The following GALNTL6 variants were observed in gnomAD, a reference collection of about 807,000 sequenced individuals.
GALNTL6 encodes polypeptide N-acetylgalactosaminyltransferase like 6, also known as polypeptide N-acetylgalactosaminyltransferase-like 6.
A neutral mutation model predicts 73.7 loss-of-function variants in GALNTL6; 46 were observed. The ratio of observed to expected loss-of-function variants is 0.62; its 90% CI spans 0.49 to 0.80. The LOEUF is 0.80. Ranked by LOEUF, GALNTL6 falls within the 30% of genes least tolerant of loss-of-function variation. The pLI is 0.00. For missense variants in GALNTL6, 604 were observed against 755.0 expected (o/e 0.80, Z 2.34); for synonymous variants, 259 against 263.7 (o/e 0.98, Z 0.17).
chr4:172,337,915 A>G (rs1578970006), intron 4 of GALNTL6, among the ~76,000 whole-genome samples: 1 of 152,078 alleles, frequency 6.6e-6, no homozygotes, highest in East Asian at 1.9e-4. Flanking sequence ...CCAGTGATTC[A>G]TAGGTTTGAT....
intron 12 of GALNTL6, among the ~76,000 whole-genome samples, chr4:173,029,047 C>T (rs1166962830): frequency 6.6e-6 from 1 of 152,120 alleles, no homozygotes; most frequent in Non-Finnish European, 1.5e-5. Flanking sequence ...ATGTACCAGT[C>T]CACAAAGATG....
intron 2 of GALNTL6, among the ~76,000 whole-genome samples, chr4:172,208,044 A>G (rs1021182589): frequency 7.9e-5 from 12 of 152,226 alleles, no homozygotes; most frequent in African/African-American, 2.9e-4. Flanking sequence ...GTGGGAGGCT[A>G]TATTTAGACA....
intron 5 of GALNTL6, among the ~76,000 whole-genome samples, chr4:172,699,332 ATG>A (rs1733890014): frequency 6.6e-6 from 1 of 152,122 alleles, no homozygotes; most frequent in African/African-American, 2.4e-5. Flanking sequence ...TCATAAATGT[ATG>A]TGTGTGTGTA....
At chr4:172,574,707 T>C (rs1392073642) in intron 5 of GALNTL6, among the ~76,000 whole-genome samples, 1 of 151,994 alleles carries the variant, frequency 6.6e-6, no homozygotes, top group African/African-American at 2.4e-5. Context: ...ATAATTTAGA[T>C]ATAAATTATC....
chr4:172,342,617 A>G (rs961651857), intron 4 of GALNTL6, among the ~76,000 whole-genome samples: 6 of 152,216 alleles, frequency 3.9e-5, no homozygotes, highest in African/African-American at 1.2e-4. Context: ...TCATGCTTCT[A>G]TGGATGTGGG....
At chr4:172,407,320 G>A (rs912269496) in intron 5 of GALNTL6, among the ~76,000 whole-genome samples, 4 of 152,010 alleles carry the variant, frequency 2.6e-5, no homozygotes, top group East Asian at 1.9e-4. Context: ...GATTTGGTCC[G>A]TGTAGAAAAC....
At chr4:172,281,476 C>G (rs994627366) in intron 3 of GALNTL6, among the ~76,000 whole-genome samples, 1 of 152,062 alleles carries the variant, frequency 6.6e-6, no homozygotes, top group African/African-American at 2.4e-5. Flanking sequence ...AGTCGGATCA[C>G]TTGAGGTCAG....
chr4:172,591,746 C>T (rs767402621), intron 5 of GALNTL6, among the ~76,000 whole-genome samples: 25 of 152,228 alleles, frequency 1.6e-4, no homozygotes, highest in African/African-American at 5.5e-4. Flanking sequence ...TCTCTCATTT[C>T]GTAAAATCTT....
chr4:172,400,643 G>C (rs1184450869), intron 5 of GALNTL6, among the ~76,000 whole-genome samples: 1 of 152,124 alleles, frequency 6.6e-6, no homozygotes, highest in Non-Finnish European at 1.5e-5. Flanking sequence ...GTCCTAGATA[G>C]AGGAGCAGGA....
intron 5 of GALNTL6, among the ~76,000 whole-genome samples, chr4:172,681,883 T>G (rs1209790771): frequency 6.6e-6 from 1 of 152,138 alleles, no homozygotes; most frequent in Non-Finnish European, 1.5e-5. Context: ...TCCATTTACC[T>G]CAGAGTAACT....
intron 5 of GALNTL6, among the ~76,000 whole-genome samples, chr4:172,630,239 A>G (rs1477203886): frequency 6.6e-6 from 1 of 152,204 alleles, no homozygotes; most frequent in African/African-American, 2.4e-5. Flanking sequence ...GACTCAATAA[A>G]CCAAAGTAAA....
rs772235798 is a variant in GALNTL6, at chr4:173,021,686, GT to G, written c.1638+65del. The G allele has an allele frequency of 3.2e-6, 5 of 1,569,894 alleles. No individual in the cohort carries two copies. In the African/African-American group the frequency reaches 6.8e-5, roughly 21 times the overall value. On this transcript the variant is annotated intron_variant, in intron 12 of 12. Coordinates refer to ENST00000506823, the MANE Select transcript of GALNTL6 (RefSeq NM_001034845.3). Reference sequence around the variant, plus strand: ...CTGTGGTTTAAGTTATTCTTACTCAGTTTTCTTTGAAAACACACCGTTTTAG... The same window carrying G: ...CTGTGGTTTAAGTTATTCTTACTCAGTTTCTTTGAAAACACACCGTTTTAG...
intron 12 of GALNTL6, among the ~76,000 whole-genome samples, chr4:173,033,095 G>A (rs1288183098): frequency 2.0e-5 from 3 of 152,130 alleles, no homozygotes; most frequent in Non-Finnish European, 4.4e-5. Context: ...CCTCCTCCTG[G>A]GTTCAAGTGA....
intron 8 of GALNTL6, among the ~76,000 whole-genome samples, chr4:172,890,302 T>C (rs1000889760): frequency 6.6e-6 from 1 of 152,118 alleles, no homozygotes; most frequent in Admixed American, 6.6e-5. Flanking sequence ...AATTTTGGGG[T>C]TGGAGTGTTT....
chr4:172,176,354 A>AAAAAAAAAAAAAAAAAC (rs1734999376), intron 2 of GALNTL6, among the ~76,000 whole-genome samples: 1 of 149,448 alleles, frequency 6.7e-6, no homozygotes, highest in Admixed American at 6.7e-5. Flanking sequence ...AAAAAAAAAA[A>AAAAAAAAAAAAAAAAAC]AAGAGTGTAT....
intron 8 of GALNTL6, among the ~76,000 whole-genome samples, chr4:172,899,032 C>T (rs931703040): frequency 6.6e-6 from 1 of 152,136 alleles, no homozygotes; most frequent in Admixed American, 6.5e-5. Flanking sequence ...CCCAATTGAT[C>T]ATGACCCTCT....
intron 2 of GALNTL6, among the ~76,000 whole-genome samples, chr4:171,891,331 G>A (rs1402876355): frequency 2.6e-5 from 4 of 152,270 alleles, no homozygotes; most frequent in African/African-American, 7.2e-5. Flanking sequence ...AGCGTTCTTG[G>A]AGTCTGTTTC....
chr4:171,961,149 T>A (rs1196230009), intron 2 of GALNTL6, among the ~76,000 whole-genome samples: 2 of 152,144 alleles, frequency 1.3e-5, no homozygotes, highest in African/African-American at 4.8e-5. Context: ...AATTCTCCAA[T>A]TGTGTCCCAA....
At chr4:171,814,924 G>C (rs1407771815) in intron 2 of GALNTL6, 3 of 597,540 alleles carry the variant, frequency 5.0e-6, no homozygotes, top group Non-Finnish European at 8.9e-6. Context: ...TGTACAACTA[G>C]TAAAGAAGGA....
Sources: gnomAD v4.1 joint callset for allele counts (sites outside exome capture counted in the v4.1 genomes callset) on GRCh38, gnomAD v4.1.1 for gene constraint, MANE v1.5 for transcripts, NCBI Gene and HGNC (gene_info 2026-07-23, HGNC 2026-07-21) for gene names.